NFIB: variants seen among roughly 807,000 people sequenced by gnomAD.
NFIB encodes the protein nuclear factor I B.
NFIB carries 11 observed loss-of-function variants against 61.5 expected under a neutral mutation model. That is an observed-to-expected ratio of 0.18 (90% CI 0.11 to 0.30). The LOEUF (loss-of-function observed/expected upper bound fraction) is 0.30. NFIB is among the 10% of genes least tolerant of loss of function. NFIB has a pLI of 1.00. For synonymous variants in NFIB, 260 were observed against 216.5 expected (o/e 1.20, Z -1.76); for missense variants, 471 against 608.9 (o/e 0.77, Z 2.38).
intron 10 of NFIB, among the ~76,000 whole-genome samples, chr9:14,091,992 G>A (rs1323460770): frequency 6.6e-6 from 1 of 152,026 alleles, no homozygotes; most frequent in Non-Finnish European, 1.5e-5. Context: ...TTGACCAAAT[G>A]TATGACATGG....
intron 1 of NFIB, among the ~76,000 whole-genome samples, chr9:14,348,200 G>A (rs1239652053): frequency 6.6e-6 from 1 of 152,224 alleles, no homozygotes; most frequent in African/African-American, 2.4e-5. Flanking sequence ...CTGTGCGCCA[G>A]GGGAAGGCAT....
the NFIB span, among the ~76,000 whole-genome samples, chr9:14,437,778 G>A: frequency 2.6e-5 from 4 of 152,178 alleles, no homozygotes; most frequent in African/African-American, 7.2e-5. Context: ...TCTCCTGCTC[G>A]TCCCTCTTCT....
At chr9:14,421,725 A>G in the NFIB span, among the ~76,000 whole-genome samples, 7 of 152,228 alleles carry the variant, frequency 4.6e-5, no homozygotes, top group Non-Finnish European at 5.9e-5. Context: ...TAATTTGCAT[A>G]ACAGCAAAGA....
intron 2 of NFIB, among the ~76,000 whole-genome samples, chr9:14,242,870 G>C (rs963276359): frequency 6.6e-6 from 1 of 152,168 alleles, no homozygotes; most frequent in Non-Finnish European, 1.5e-5. Context: ...GTTGTGATTT[G>C]AAATGTACTT....
At chr9:14,418,082 G>C in the NFIB span, among the ~76,000 whole-genome samples, 1 of 152,062 alleles carries the variant, frequency 6.6e-6, no homozygotes, top group African/African-American at 2.4e-5. Flanking sequence ...CGCCCAGCCA[G>C]GAACAGTTTT....
At position 14,199,999 on chromosome 9, in the gene NFIB, T is replaced by C. The variant is rs899916190; in HGVS notation, c.563-20219A>G. Among the ~76,000 whole-genome samples, 2 of 152,174 alleles carry C rather than the reference T, an allele frequency of 1.3e-5. 1 individual carries two copies. The highest frequency in any genetic ancestry group is 4.8e-5 in the African/African-American group (2 of 41,428). On this transcript the variant is annotated intron_variant, in intron 2 of 10. Transcript: ENST00000380953. ...ACAGGAGCAGAAGGGATTGTCCAAA[T>C]AAACTGTTCCTTACTGCTGCTGCTA...
chr9:14,509,927 C>T, the NFIB span, among the ~76,000 whole-genome samples: 2 of 152,276 alleles, frequency 1.3e-5, no homozygotes, highest in African/African-American at 4.8e-5. Context: ...GACAGAGTCT[C>T]GCTCTGTCGC....
At chr9:14,406,427 T>A in the NFIB span, among the ~76,000 whole-genome samples, 1 of 152,172 alleles carries the variant, frequency 6.6e-6, no homozygotes, top group Middle Eastern at 3.2e-3. Flanking sequence ...TGGTGAGCCA[T>A]GAATCTGGAC....
intron 2 of NFIB, among the ~76,000 whole-genome samples, chr9:14,216,706 C>T (rs1402096724): frequency 6.6e-6 from 1 of 152,108 alleles, no homozygotes; most frequent in Non-Finnish European, 1.5e-5. Flanking sequence ...ATACCCAGGT[C>T]AGGTCTACCT....
chr9:14,122,304 G>C (rs12000934), intron 7 of NFIB, among the ~76,000 whole-genome samples: 1 of 151,996 alleles, frequency 6.6e-6, no homozygotes, highest in African/African-American at 2.4e-5. Flanking sequence ...TTATAGTCAC[G>C]ACTTTGTTCT....
intron 1 of NFIB, among the ~76,000 whole-genome samples, chr9:14,396,022 C>T (rs916333878): frequency 2.6e-5 from 4 of 151,986 alleles, no homozygotes; most frequent in African/African-American, 7.3e-5. Flanking sequence ...ACTGTGCTTG[C>T]GGATATTAAT....
chr9:14,237,675 A>G (rs370902255), intron 2 of NFIB, among the ~76,000 whole-genome samples: 4 of 152,172 alleles, frequency 2.6e-5, no homozygotes, highest in African/African-American at 9.7e-5. Flanking sequence ...ATAAGAGGTC[A>G]GCAACATCTC....
chr9:14,216,524 CTCTCTCTCTCTCTCTCTCCCTCTGTG>C (rs1476745594), intron 2 of NFIB, among the ~76,000 whole-genome samples: 82 of 67,758 alleles, frequency 1.2e-3, no homozygotes, highest in African/African-American at 4.1e-3. Context: ...CTCTCTCTCT[CTCTCTCTCTCTCTCTCTCCCTCTGTG>C]TGTGTGTGTG....
chr9:14,317,476 T>C (rs891997533), upstream of NFIB: 2 of 152,196 alleles, frequency 1.3e-5, no homozygotes, highest in African/African-American at 4.8e-5. Context: ...TAGAGGATGC[T>C]TGATAGTTTT....
chr9:14,489,577 T>C, the NFIB span, among the ~76,000 whole-genome samples: 2 of 152,100 alleles, frequency 1.3e-5, no homozygotes, highest in Non-Finnish European at 2.9e-5. Context: ...AAGAAGGACA[T>C]TAAGAGGAAG....
At chr9:14,090,104 A>G (rs1435930292) in intron 10 of NFIB, among the ~76,000 whole-genome samples, 1 of 152,092 alleles carries the variant, frequency 6.6e-6, no homozygotes, top group East Asian at 1.9e-4. Flanking sequence ...GCTGTCACCC[A>G]AGATTACATA....
chr9:14,126,399 G>A (rs1033552202), intron 6 of NFIB, among the ~76,000 whole-genome samples: 8 of 152,242 alleles, frequency 5.3e-5, no homozygotes, highest in Non-Finnish European at 1.0e-4. Context: ...GAATGGTTGA[G>A]AGGTACAATG....
chr9:14,333,501 C>A (rs1304504353), intron 1 of NFIB, among the ~76,000 whole-genome samples: 1 of 152,134 alleles, frequency 6.6e-6, no homozygotes, highest in East Asian at 1.9e-4. Context: ...CCCCACAACT[C>A]CCTAATGGGG....
At chr9:14,268,960 A>G (rs2057411470) in intron 2 of NFIB, among the ~76,000 whole-genome samples, 1 of 152,226 alleles carries the variant, frequency 6.6e-6, no homozygotes, top group Non-Finnish European at 1.5e-5. Flanking sequence ...ATTAAATTAC[A>G]GATAGTATCA....
Sources: gnomAD v4.1 joint callset for allele counts (sites outside exome capture counted in the v4.1 genomes callset) on GRCh38, gnomAD v4.1.1 for gene constraint, MANE v1.5 for transcripts, NCBI Gene and HGNC (gene_info 2026-07-23, HGNC 2026-07-21) for gene names.